Variants in CARS1 observed in about 807,000 individuals in gnomAD.
CARS1 encodes the protein cysteinyl-tRNA synthetase 1, also known as cysteine--tRNA ligase, cytoplasmic.
Under a neutral mutation model 106.2 loss-of-function variants are expected in CARS1, and 48 were observed. The ratio of observed to expected loss-of-function variants is 0.45; its 90% CI spans 0.36 to 0.57. The LOEUF is 0.57. CARS1 is among the 20% of genes least tolerant of loss of function. The pLI is 0.00. For synonymous variants in CARS1, 409 were observed against 403.4 expected, an observed-to-expected ratio of 1.01 and a Z score of -0.17; for missense variants, 968 against 1,057.2, an observed-to-expected ratio of 0.92 and a Z score of 1.17.
chr11:3,010,626 C>G (rs1464963083), intron 18 of CARS1, among the ~76,000 whole-genome samples: 1 of 152,228 alleles, frequency 6.6e-6, no homozygotes, highest in African/African-American at 2.4e-5. Flanking sequence ...AGCCCAGCAG[C>G]CCAGCAGCCC....
chr11:3,055,045 C>T (rs1856060567), intron 1 of CARS1: 2 of 688,848 alleles, frequency 2.9e-6, no homozygotes, highest in East Asian at 2.7e-5. Flanking sequence ...AAAAGCTGTA[C>T]ACCCAGTGAG....
rs1855901342 is a variant in CARS1 at position 3,053,592 on chromosome 11, T to C, written c.25+3751A>G. Reference sequence around the variant, plus strand: ...TTCTCTTCCTGCGTTCCCTTGAGGCTCTCCCAGGTCCACTCCAGGCATGGC... The same window carrying C: ...TTCTCTTCCTGCGTTCCCTTGAGGCCCTCCCAGGTCCACTCCAGGCATGGC... On this transcript the variant is annotated intron_variant, in intron 1 of 22. Transcript: ENST00000380525. This position sits in a 1 kb window ranked among gnomAD's most constrained non-coding sequence, Gnocchi z 6.6. Among the ~76,000 whole-genome samples the C allele has an allele frequency of 6.6e-6, 1 of 152,072 alleles. No individual in the cohort carries two copies. Among genetic ancestry groups the C allele is most frequent in the Admixed American group, 6.5e-5 (1 of 15,270 alleles).
chr11:3,057,168 C>T (rs933684614), intron 1 of CARS1, among the ~76,000 whole-genome samples, 175 bp downstream of exon 1: 1 of 152,084 alleles, frequency 6.6e-6, no homozygotes, highest in Non-Finnish European at 1.5e-5. Flanking sequence ...ACCCCGCGCA[C>T]TGACACCCCT....
At chr11:3,007,223 G>C (rs1849967324) in intron 18 of CARS1, 1 of 534,192 alleles carries the variant, frequency 1.9e-6, no homozygotes, top group East Asian at 3.1e-5. Context: ...GTGCAGGGCA[G>C]AGCCAGGAGG....
Position 3,039,580 on chromosome 11 carries a change from G to A in CARS1, c.552+255C>T, listed in dbSNP as rs948721313. On this transcript the variant is annotated intron_variant, in intron 5 of 22. Transcript: ENST00000380525. The surrounding 1 kb of genome is among the most constrained non-coding windows in gnomAD (Gnocchi z 5.6). ...CATGTCGAAGTGCGTGCTGTGGGAGGCCTTCCTTCTGCAAAACACCCAGGG... is the reference window on the plus strand; with the variant it reads ...CATGTCGAAGTGCGTGCTGTGGGAGACCTTCCTTCTGCAAAACACCCAGGG... 1.3e-5 allele frequency among the ~76,000 whole-genome samples: 2 copies of A among 152,204 alleles called. No homozygotes were observed. The highest frequency in any genetic ancestry group is 4.8e-5 in the African/African-American group (2 of 41,436).
intron 18 of CARS1, among the ~76,000 whole-genome samples, chr11:3,011,162 C>T (rs1275426114): frequency 1.3e-5 from 2 of 152,220 alleles, no homozygotes; most frequent in African/African-American, 4.8e-5. Context: ...TGTTACTCAC[C>T]AATTCAGAAC....
Position 3,054,853 on chromosome 11 carries a change from T to A in CARS1, c.25+2490A>T, listed in dbSNP as rs939630617. 1.3e-5 allele frequency: 9 copies of A among 701,556 alleles called. No homozygotes were observed. In the Admixed American group the frequency reaches 1.4e-4, roughly 11 times the overall value. The allele number at this position is 701,556 out of a possible 1,614,324, so 43.5% of individuals were successfully genotyped here. The stretch of plus-strand genomic sequence containing the variant: ...ATGAAGACCCTTGAATTAAACTGTA[T>A]AAAAATTAAACTATAAGTCTGACCT... On this transcript the variant is annotated intron_variant, in intron 1 of 22. Coordinates refer to ENST00000380525, the MANE Select transcript of CARS1 (RefSeq NM_001014437.3).
chr11:3,002,583 C>T lies in CARS1; in HGVS notation c.2235G>A (p.Arg745=), dbSNP rs775554829. The part of the protein sequence containing the change: ...EEKRRVEEEK[R]KKKEEAARRK... ...TCCGGGCCGCCTCCTCTTTCTTCTT[C>T]CTCTTCTCCTCTTCAACCTGGAGGG... is the stretch of plus-strand genomic sequence containing the variant. The change falls in exon 21 of 23, where the codon AGG becomes AGA. Residue 745 remains arginine (R), a synonymous_variant. Coordinates refer to ENST00000380525, the MANE Select transcript of CARS1 (RefSeq NM_001014437.3). The T allele has an allele frequency of 1.2e-6, 2 of 1,614,168 alleles. No individual in the cohort carries two copies. Among genetic ancestry groups the T allele is most frequent in the Admixed American group, 1.7e-5 (1 of 60,022 alleles).
rs1564795849 is a variant in CARS1 at position 3,050,870 on chromosome 11, CCT to C, written c.26-2871_26-2870del. ...GGCTGCTCTTTCTCTCCGCAGCACC[CCT>C]GTCTAACACGTGCCCGCATTTCTTT... On this transcript the variant is annotated intron_variant, in intron 1 of 22. Transcript: ENST00000380525. The surrounding 1 kb of genome is among the most constrained non-coding windows in gnomAD (Gnocchi z 6.3). 1.3e-5 allele frequency among the ~76,000 whole-genome samples: 2 copies of C among 152,244 alleles called. No homozygotes were observed. Among genetic ancestry groups the C allele is most frequent in the South Asian group, 2.1e-4 (1 of 4,834 alleles).
At position 3,045,071 on chromosome 11, in the gene CARS1, G is replaced by C. The variant is rs932426031; in HGVS notation, c.274+2682C>G. Among the ~76,000 whole-genome samples the C allele has an allele frequency of 3.3e-5, 5 of 152,188 alleles. No homozygotes were observed. The highest frequency in any genetic ancestry group is 7.4e-5 in the Non-Finnish European group (5 of 67,994). The stretch of plus-strand genomic sequence containing the variant: ...AAGGGTATAGCTGACACTCCTTCCC[G>C]GGGGGTAGGGAGAGGCCGGCGGGCT... On this transcript the variant is annotated intron_variant, in intron 2 of 22. Coordinates refer to ENST00000380525, the MANE Select transcript of CARS1 (RefSeq NM_001014437.3). The surrounding 1 kb of genome is among the most constrained non-coding windows in gnomAD (Gnocchi z 5.6).
At chr11:3,056,549 T>C (rs1313464351) in intron 1 of CARS1, among the ~76,000 whole-genome samples, 1 of 152,098 alleles carries the variant, frequency 6.6e-6, no homozygotes, top group Non-Finnish European at 1.5e-5. Flanking sequence ...GGGGCAGTAA[T>C]GCTCTGACAA....
chr11:3,008,509 C>T lies in CARS1; in HGVS notation c.2069-1550G>A, dbSNP rs964566230. Reference sequence around the variant, plus strand: ...TGGCATGTGCCTGTAATCCCAGCTACTTGGGACGCTGAGGCAGAAGAATCG... The same window carrying T: ...TGGCATGTGCCTGTAATCCCAGCTATTTGGGACGCTGAGGCAGAAGAATCG... On this transcript the variant is annotated intron_variant, in intron 18 of 22. Coordinates refer to ENST00000380525, the MANE Select transcript of CARS1 (RefSeq NM_001014437.3). The surrounding 1 kb of genome is among the most constrained non-coding windows in gnomAD (Gnocchi z 5.1). 6.6e-6 allele frequency: 1 copy of T among 151,602 alleles called. No homozygotes were observed. Among genetic ancestry groups the T allele is most frequent in the Non-Finnish European group, 1.5e-5 (1 of 68,062 alleles). The allele number at this position is 151,602 out of a possible 1,614,324, so 9.4% of individuals were successfully genotyped here.
At position 3,047,908 on chromosome 11, in the gene CARS1, C is replaced by T. The variant is rs758008008; in HGVS notation, c.119G>A (p.Gly40Glu). Residue 40 changes from glycine to glutamate, a missense_variant, in exon 2 of 23, where the codon GGG becomes GAG. Coordinates refer to ENST00000380525, the MANE Select transcript of CARS1 (RefSeq NM_001014437.3). ...CACGTCTGCCTGGGACAGTGAGTAC[C>T]CCTGGACATAGCTACGCGTGCTGAG... ...EHLSTRSYVQGYSLSQADVDA... is the reference protein window; with the variant it reads ...EHLSTRSYVQEYSLSQADVDA... The T allele has an allele frequency of 6.2e-7, 1 of 1,614,114 alleles. No homozygotes were observed. Among genetic ancestry groups the T allele is most frequent in the South Asian group, 1.1e-5 (1 of 91,082 alleles).
In CARS1 at chr11:3,048,690, A is replaced by G. The variant is rs1590557319; in HGVS notation, c.26-689T>C. Reference sequence around the variant, plus strand: ...GTGTGCCATTTACACCCCTGCACCAAGAGACAGCTGGACTCTAGCATGGCT... The same window carrying G: ...GTGTGCCATTTACACCCCTGCACCAGGAGACAGCTGGACTCTAGCATGGCT... On this transcript the variant is annotated intron_variant, in intron 1 of 22. Transcript: ENST00000380525. The surrounding 1 kb of genome is among the most constrained non-coding windows in gnomAD (Gnocchi z 5.1). 2.0e-5 allele frequency among the ~76,000 whole-genome samples: 3 copies of G among 152,316 alleles called. No homozygotes were observed. Among genetic ancestry groups the G allele is most frequent in the African/African-American group, 7.2e-5 (3 of 41,572 alleles).
rs746829564 is a variant in CARS1 at position 3,018,427 on chromosome 11, T to G, written c.1610A>C (p.Gln537Pro). Reference sequence around the variant, plus strand: ...ACTCACATTCAAGAACTTCTCATATTGAAGCGCTGACTCCATGGTGTTGCT... The same window carrying G: ...ACTCACATTCAAGAACTTCTCATATGGAAGCGCTGACTCCATGGTGTTGCT... ...YSSNTMESALQYEKFLNEFFL... is the reference protein window; with the variant it reads ...YSSNTMESALPYEKFLNEFFL... Residue 537 changes from glutamine to proline, a missense_variant, in exon 14 of 23, where the codon CAA (glutamine) becomes CCA (proline). Coordinates refer to ENST00000380525, the MANE Select transcript of CARS1 (RefSeq NM_001014437.3). The G allele has an allele frequency of 1.2e-6, 2 of 1,613,476 alleles. No homozygotes were observed. The highest frequency in any genetic ancestry group is 1.3e-5 in the African/African-American group (1 of 74,920).
chr11:3,034,057 C>T lies in CARS1; in HGVS notation c.801+3993G>A, dbSNP rs188772556. Among the ~76,000 whole-genome samples, 11 of 152,298 alleles carry T rather than the reference C, an allele frequency of 7.2e-5. No individual in the cohort carries two copies. Among genetic ancestry groups the T allele is most frequent in the Non-Finnish European group, 1.0e-4 (7 of 68,032 alleles). On this transcript the variant is annotated intron_variant, in intron 7 of 22. Transcript: ENST00000380525. This position sits in a 1 kb window ranked among gnomAD's most constrained non-coding sequence, Gnocchi z 6.3. ...TTGGCCTCCCAAGGTGCTATGATTACAGGAACGAGCCACTGCACCTGGTCT... is the reference window on the plus strand; with the variant it reads ...TTGGCCTCCCAAGGTGCTATGATTATAGGAACGAGCCACTGCACCTGGTCT...
intron 10 of CARS1, 138 bp downstream of exon 10, chr11:3,026,538 A>C: frequency 1.2e-6 from 1 of 843,882 alleles, no homozygotes; most frequent in Non-Finnish European, 1.8e-6. Context: ...AACTCCTAAA[A>C]TTCCTTCAGG....
At position 3,017,356 on chromosome 11, in the gene CARS1, C is replaced by G. The variant is rs1018545023; in HGVS notation, c.1728-61G>C. 8.0e-6 allele frequency: 12 copies of G among 1,507,536 alleles called. No homozygotes were observed. In the South Asian group the frequency reaches 1.2e-4, roughly 15 times the overall value. The allele number at this position is 1,507,536 out of a possible 1,614,324, so 93.4% of individuals were successfully genotyped here. The stretch of plus-strand genomic sequence containing the variant: ...CTGAAAACACACCATAGAAATTCCC[C>G]ATGTGGCCAGGCGCAGTGGCTCACG... On this transcript the variant is annotated intron_variant, in intron 15 of 22. Coordinates refer to ENST00000380525, the MANE Select transcript of CARS1 (RefSeq NM_001014437.3). This position sits in a 1 kb window ranked among gnomAD's most constrained non-coding sequence, Gnocchi z 4.9.
At chr11:3,002,176 T>C in intron 21 of CARS1, 123 bp from the exon 22 acceptor site, 1 of 734,476 alleles carries the variant, frequency 1.4e-6, no homozygotes, top group Non-Finnish European at 2.4e-6. Flanking sequence ...TTCAGAGTGC[T>C]ATGAAAGATG....
Sources: gnomAD v4.1 joint callset for allele counts (sites outside exome capture counted in the v4.1 genomes callset) on GRCh38, gnomAD v4.1.1 for gene constraint, Gnocchi (gnomAD v3.1) non-coding constraint, MANE v1.5 for transcripts, NCBI Gene and HGNC (gene_info 2026-07-23, HGNC 2026-07-21) for gene names.